Variants in KLF12 observed in about 807,000 individuals in gnomAD.
The protein encoded by KLF12 is Krueppel-like factor 12.
In KLF12, 9 loss-of-function variants were observed where a neutral mutation model predicts 37.8. The observed-to-expected ratio is 0.24, with a 90% CI of 0.14 to 0.42. The LOEUF is 0.42. Among genes scored for constraint, KLF12 ranks in the 10% least tolerant of loss-of-function variants. The pLI is 1.00. For missense variants in KLF12, 411 were observed against 516.0 expected (o/e 0.80, Z 1.97); for synonymous variants, 208 against 202.1 (o/e 1.03, Z -0.25).
At chr13:74,098,359 A>C (rs549565388) in intron 1 of KLF12, among the ~76,000 whole-genome samples, 1 of 152,296 alleles carries the variant, frequency 6.6e-6, no homozygotes, top group East Asian at 1.9e-4. Flanking sequence ...TAGGCTAATC[A>C]AATACAATAA....
chr13:73,962,396 A>G (rs1201063019), intron 2 of KLF12, among the ~76,000 whole-genome samples: 1 of 152,230 alleles, frequency 6.6e-6, no homozygotes, highest in African/African-American at 2.4e-5. Context: ...TTATGAGACT[A>G]TGATAGTGAA....
At chr13:74,182,416 A>C in the KLF12 span, among the ~76,000 whole-genome samples, 1 of 152,132 alleles carries the variant, frequency 6.6e-6, no homozygotes, top group South Asian at 2.1e-4. Flanking sequence ...GCATTGGAAG[A>C]CTAGGTTTAA....
At chr13:73,779,191 C>A (rs1880808836) in intron 5 of KLF12, among the ~76,000 whole-genome samples, 1 of 152,060 alleles carries the variant, frequency 6.6e-6, no homozygotes, top group Non-Finnish European at 1.5e-5. Flanking sequence ...TCATAATAAA[C>A]CTCCTTTGAC....
chr13:73,721,388 A>T (rs1022279302), intron 6 of KLF12, among the ~76,000 whole-genome samples: 1 of 152,240 alleles, frequency 6.6e-6, no homozygotes, highest in Non-Finnish European at 1.5e-5. Flanking sequence ...AATTATATAA[A>T]ACAACAGCAC....
intron 3 of KLF12, among the ~76,000 whole-genome samples, chr13:73,914,320 C>G (rs1261935687): frequency 6.6e-6 from 1 of 152,194 alleles, no homozygotes; most frequent in Non-Finnish European, 1.5e-5. Context: ...CACTCGTCCC[C>G]TGGGACCCTA....
the KLF12 span, among the ~76,000 whole-genome samples, chr13:74,229,835 TC>T: frequency 1.3e-5 from 2 of 152,104 alleles, no homozygotes; most frequent in Admixed American, 6.6e-5. Context: ...CAGTCCCGTC[TC>T]CCCAGTGTTA....
intron 2 of KLF12, among the ~76,000 whole-genome samples, chr13:73,990,255 A>T (rs2138238941): frequency 6.6e-6 from 1 of 152,288 alleles, no homozygotes; most frequent in Non-Finnish European, 1.5e-5. Flanking sequence ...CTGTCATAAA[A>T]ACAGACTCTA....
At chr13:74,200,190 AG>A in the KLF12 span, among the ~76,000 whole-genome samples, 512 of 39,066 alleles carry the variant, frequency 0.013, 2 homozygotes, top group African/African-American at 0.034. Context: ...AAGCTTGCTC[AG>A]GGGGGGGGTT....
intron 1 of KLF12, among the ~76,000 whole-genome samples, chr13:73,997,238 A>T (rs1285658062): frequency 6.6e-6 from 1 of 152,070 alleles, no homozygotes; most frequent in Non-Finnish European, 1.5e-5. Context: ...GTCTGTCCCT[A>T]GTCTCACCTC....
chr13:73,748,705 A>C (rs1427096619), intron 6 of KLF12, among the ~76,000 whole-genome samples: 10 of 152,318 alleles, frequency 6.6e-5, no homozygotes, highest in Non-Finnish European at 1.5e-4. Flanking sequence ...AAGTTATGCC[A>C]AATACATTTA....
chr13:73,686,096 C>G lies in KLF12; in HGVS notation c.*9394G>C, dbSNP rs963983130. 4 of 152,646 alleles carry G rather than the reference C, an allele frequency of 2.6e-5. No individual in the cohort carries two copies. The highest frequency in any genetic ancestry group is 9.6e-5 in the African/African-American group (4 of 41,556). The allele number at this position is 152,646 out of a possible 1,614,324, so 9.5% of individuals were successfully genotyped here. A position where few individuals can be genotyped will look rare whatever the true frequency, so the allele number is the denominator to read the frequency against. ...TCTGAGTCAGTTAGGGAGTTTTGTT[C>G]CATACAAAATGCTTTATTTAACCTT... is the stretch of plus-strand genomic sequence containing the variant. On this transcript the variant is annotated 3_prime_UTR_variant, in exon 8 of 8. Transcript: ENST00000377669.
At chr13:74,111,189 TAA>T (rs1422812473) in intron 1 of KLF12, among the ~76,000 whole-genome samples, 1 of 151,440 alleles carries the variant, frequency 6.6e-6, no homozygotes, top group African/African-American at 2.4e-5. Context: ...AAGAATAATA[TAA>T]GTTATATCAA....
chr13:74,304,882 T>C, the KLF12 span, among the ~76,000 whole-genome samples: 2 of 152,076 alleles, frequency 1.3e-5, no homozygotes, highest in African/African-American at 2.4e-5. Context: ...ATATTTTTCT[T>C]ATTAGAAACT....
the KLF12 span, among the ~76,000 whole-genome samples, chr13:74,209,545 CA>C: frequency 6.6e-6 from 1 of 151,780 alleles, no homozygotes; most frequent in Non-Finnish European, 1.5e-5. Flanking sequence ...CACACACACA[CA>C]CACACACACA....
chr13:74,131,563 A>G (rs1302250718), intron 1 of KLF12, among the ~76,000 whole-genome samples: 1 of 152,242 alleles, frequency 6.6e-6, no homozygotes, highest in Non-Finnish European at 1.5e-5. Flanking sequence ...TGGGAGGTGG[A>G]GAATATTAAG....
chr13:73,759,499 T>C (rs974044920), intron 6 of KLF12, among the ~76,000 whole-genome samples: 8 of 152,162 alleles, frequency 5.3e-5, no homozygotes, highest in Admixed American at 5.2e-4. Context: ...GCTTCTCCTA[T>C]TTCTCCTTGC....
In KLF12 at chr13:73,686,683, C is replaced by T. The variant is rs1420354422; in HGVS notation, c.*8807G>A. ...GGACCTCCTCTGGGCACTCTTAACTCCCTGGGGTCAGAGACCCAAGAGTGT... is the reference window on the plus strand; with the variant it reads ...GGACCTCCTCTGGGCACTCTTAACTTCCTGGGGTCAGAGACCCAAGAGTGT... On this transcript the variant is annotated 3_prime_UTR_variant, in exon 8 of 8. Transcript: ENST00000377669. 6.6e-6 allele frequency: 1 copy of T among 152,288 alleles called. No homozygotes were observed. The highest frequency in any genetic ancestry group is 2.4e-5 in the African/African-American group (1 of 41,450). The allele number at this position is 152,288 out of a possible 1,614,324, so 9.4% of individuals were successfully genotyped here.
intron 1 of KLF12, among the ~76,000 whole-genome samples, chr13:74,125,930 AG>A (rs1356581932): frequency 6.6e-6 from 1 of 152,214 alleles, no homozygotes; most frequent in African/African-American, 2.4e-5. Context: ...GGGAAAGTCC[AG>A]GGGGCTTTCT....
At chr13:73,809,883 G>A (rs1882836569) in intron 5 of KLF12, among the ~76,000 whole-genome samples, 2 of 152,094 alleles carry the variant, frequency 1.3e-5, no homozygotes, top group Admixed American at 1.3e-4. Flanking sequence ...CATCTCCCAT[G>A]ATACACATGC....
Sources: gnomAD v4.1 joint callset for allele counts (sites outside exome capture counted in the v4.1 genomes callset) on GRCh38, gnomAD v4.1.1 for gene constraint, MANE v1.5 for transcripts, NCBI Gene and HGNC (gene_info 2026-07-23, HGNC 2026-07-21) for gene names.